MARVELD3: variants seen among roughly 807,000 people sequenced by gnomAD.
The protein encoded by MARVELD3 is MARVEL domain-containing protein 3.
A neutral mutation model predicts 33.5 loss-of-function variants in MARVELD3; 28 were observed. That is an observed-to-expected ratio of 0.84 (90% CI 0.62 to 1.15). The LOEUF is 1.15. MARVELD3 is among the 50% of genes most tolerant of loss of function. The probability of loss-of-function intolerance (pLI) is 0.00; values close to 1 mark genes in which losing one functional copy is unlikely to be tolerated. For missense variants in MARVELD3, 582 were observed against 547.6 expected (o/e 1.06, Z -0.63); for synonymous variants, 241 against 230.4 (o/e 1.05, Z -0.42).
intron 1 of MARVELD3, chr16:71,629,136 A>AT (rs2044502727): frequency 2.1e-6 from 1 of 466,564 alleles, no homozygotes; most frequent in Non-Finnish European, 3.6e-6. Flanking sequence ...CAGACAAACC[A>AT]TCAGCGGTAC....
Position 71,626,341 on chromosome 16 carries a change from C to A in MARVELD3, c.112C>A (p.Pro38Thr). 3.2e-6 allele frequency: 5 copies of A among 1,548,128 alleles called. No individual in the cohort carries two copies. The South Asian group carries it at 6.0e-5, about 18-fold the overall frequency. The change falls in exon 1 of 3, where the codon CCC (proline) becomes ACC (threonine). Residue 38 changes from proline to threonine, a missense_variant. Pro to Thr is a conservative substitution (Grantham distance 38). Coordinates refer to ENST00000268485, the MANE Select transcript of MARVELD3 (RefSeq NM_052858.6). The surrounding 1 kb of genome is among the most constrained non-coding windows in gnomAD (Gnocchi z 5.3). ...CACCCACGATCGACCGCGGGACCGA[C>A]CCGGGGACCCGCGCAGGAAGCGAAG... The part of the protein sequence containing the change: ...GRTHDRPRDR[P>T]GDPRRKRSSD...
chr16:71,634,285 A>T lies in MARVELD3; in HGVS notation c.688A>T (p.Thr230Ser). ...YSSTGGYTGI[T>S]SLGGIYYYQF... Reference sequence around the variant, plus strand: ...TTCCACAGGGGGCTACACGGGCATCACCAGCTTGGGGGGCATTTACTACTA... The same window carrying T: ...TTCCACAGGGGGCTACACGGGCATCTCCAGCTTGGGGGGCATTTACTACTA... The change falls in exon 3 of 3, where the codon ACC becomes TCC. Residue 230 changes from threonine (T) to serine (S), a missense_variant. Thr to Ser is a moderately conservative substitution (Grantham distance 58). Coordinates refer to ENST00000268485, the MANE Select transcript of MARVELD3 (RefSeq NM_052858.6). The T allele has an allele frequency of 6.2e-7, 1 of 1,614,114 alleles. No homozygotes were observed. The highest frequency in any genetic ancestry group is 1.1e-5 in the South Asian group (1 of 91,078).
chr16:71,634,163 C>T (rs774294400), intron 2 of MARVELD3, 30 bp from the exon 3 acceptor site: 1 of 1,571,528 alleles, frequency 6.4e-7, no homozygotes, highest in South Asian at 1.2e-5. Flanking sequence ...AACAGCATCA[C>T]TCAAAAATGG....
downstream of MARVELD3, chr16:71,640,526 C>T (rs367694179): frequency 7.0e-5 from 113 of 1,614,134 alleles, no homozygotes; most frequent in Middle Eastern, 4.9e-4. Flanking sequence ...ACTCACCGTT[C>T]GAGGGCACTG....
rs563352434 is a variant in MARVELD3, at chr16:71,634,277, C to T, written c.680C>T (p.Thr227Met). Residue 227 changes from threonine (T) to methionine (M), a missense_variant, in exon 3 of 3, where the codon ACG (threonine) becomes ATG (methionine). Thr to Met is a moderately conservative substitution (Grantham distance 81). Transcript: ENST00000268485. ...TCTTACAGTTCCACAGGGGGCTACA[C>T]GGGCATCACCAGCTTGGGGGGCATT... is the stretch of plus-strand genomic sequence containing the variant. ...SVSYSSTGGY[T>M]GITSLGGIYY... 1.9e-5 allele frequency: 31 copies of T among 1,614,158 alleles called. No individual in the cohort carries two copies. The highest frequency in any genetic ancestry group is 1.6e-4 in the Middle Eastern group (1 of 6,062).
rs1438326187 is a variant in MARVELD3 at position 71,634,337 on chromosome 16, T to C, written c.740T>C (p.Phe247Ser). The C allele has an allele frequency of 1.2e-6, 2 of 1,614,008 alleles. No individual in the cohort carries two copies. Among genetic ancestry groups the C allele is most frequent in the Non-Finnish European group, 1.7e-6 (2 of 1,180,028 alleles). ...CAGTTCGGAGGGGCTTACAGTGGCT[T>C]TGATGGTGCTGACGGGGAGAAGGCC... ...YYQFGGAYSG[F>S]DGADGEKAQQ... is the part of the protein sequence containing the mutation. Residue 247 changes from phenylalanine (F) to serine (S), a missense_variant, in exon 3 of 3, where the codon TTT becomes TCT. Physicochemically the swap from Phe to Ser is radical, Grantham distance 155. Transcript: ENST00000268485.
chr16:71,631,761 A>G (rs2044536438), intron 2 of MARVELD3, among the ~76,000 whole-genome samples: 1 of 152,162 alleles, frequency 6.6e-6, no homozygotes, highest in Non-Finnish European at 1.5e-5. Context: ...ACTTTCATAA[A>G]TAAAATGGTG....
intron 2 of MARVELD3, among the ~76,000 whole-genome samples, chr16:71,630,901 C>T (rs2044526603): frequency 6.6e-6 from 1 of 152,150 alleles, no homozygotes; most frequent in African/African-American, 2.4e-5. Flanking sequence ...GTATCCACCC[C>T]AAATGTGGCG....
rs2044577210 is a variant in MARVELD3 at position 71,635,731 on chromosome 16, C to T, written c.*928C>T. The stretch of plus-strand genomic sequence containing the variant: ...ACTCCACACGTTTTTCCACACTGAA[C>T]TCTCCAGTCCTTCCACTTCCTTAAT... On this transcript the variant is annotated 3_prime_UTR_variant, in exon 3 of 3. Transcript: ENST00000268485. The T allele has an allele frequency of 1.0e-6, 1 of 985,226 alleles. No homozygotes were observed. The highest frequency in any genetic ancestry group is 4.7e-5 in the South Asian group (1 of 21,290). 61.0% of individuals were successfully genotyped at this position (985,226 alleles called of 1,614,324 possible). A position where few individuals can be genotyped will look rare whatever the true frequency, so the allele number is the denominator to read the frequency against.
chr16:71,626,642 C>G lies in MARVELD3; in HGVS notation c.413C>G (p.Pro138Arg), dbSNP rs201373593. 1,783 of 1,534,836 alleles carry G rather than the reference C, an allele frequency of 1.2e-3. 23 individuals are homozygous for G. In the African/African-American group the frequency reaches 0.022, roughly 19 times the overall value. Reference sequence around the variant, plus strand: ...CCTGGGCCCGCGCCCTGGGAAGCCCCGGAGCCGCCGCAGCCGCAGAGGAAG... The same window carrying G: ...CCTGGGCCCGCGCCCTGGGAAGCCCGGGAGCCGCCGCAGCCGCAGAGGAAG... ...APPGPAPWEA[P>R]EPPQPQRKGD... Residue 138 changes from proline (P) to arginine (R), a missense_variant, in exon 1 of 3, where the codon CCG becomes CGG. Physicochemically the swap from Pro to Arg is moderately radical, Grantham distance 103 (BLOSUM62 -2). Transcript: ENST00000268485. This position sits in a 1 kb window ranked among gnomAD's most constrained non-coding sequence, Gnocchi z 5.3.
downstream of MARVELD3, chr16:71,640,979 C>A (rs2303225): frequency 2.5e-6 from 4 of 1,612,716 alleles, no homozygotes; most frequent in Non-Finnish European, 1.7e-6. Flanking sequence ...GAGAACAGCC[C>A]GGAAGTTACA....
chr16:71,641,167 T>C (rs1411279288), downstream of MARVELD3: 1 of 1,112,932 alleles, frequency 9.0e-7, no homozygotes, highest in African/African-American at 1.6e-5. Flanking sequence ...AGTTAAAGAA[T>C]TGAGGACGGG....
chr16:71,641,213 G>A, downstream of MARVELD3: 3 of 709,560 alleles, frequency 4.2e-6, no homozygotes, highest in African/African-American at 5.4e-5. Flanking sequence ...AGCACTTTGG[G>A]AGGCTGAGGT....
In MARVELD3 at chr16:71,636,160, G is replaced by A. The variant is rs767615594; in HGVS notation, c.*1357G>A. On this transcript the variant is annotated 3_prime_UTR_variant, in exon 3 of 3. Coordinates refer to ENST00000268485, the MANE Select transcript of MARVELD3 (RefSeq NM_052858.6). ...ATATATTCTCGGTCCAAGTGAGTAA[G>A]TTCTTTGCTTTATGTGAATCCAATA... The A allele has an allele frequency of 1.5e-5, 15 of 984,948 alleles. No individual in the cohort carries two copies. The highest frequency in any genetic ancestry group is 1.8e-5 in the Non-Finnish European group (15 of 829,644). The allele number at this position is 984,948 out of a possible 1,614,324, so 61.0% of individuals were successfully genotyped here.
chr16:71,639,034 C>A (rs576668700), downstream of MARVELD3: 1 of 147,216 alleles, frequency 6.8e-6, no homozygotes, highest in Non-Finnish European at 1.5e-5. Flanking sequence ...TGAAATCACA[C>A]GGTATGTAAC....
chr16:71,626,640 C>G lies in MARVELD3; in HGVS notation c.411C>G (p.Ala137=). Residue 137 remains alanine, a synonymous_variant, in exon 1 of 3, where the codon GCC becomes GCG. Transcript: ENST00000268485. This position sits in a 1 kb window ranked among gnomAD's most constrained non-coding sequence, Gnocchi z 5.3. ...CTCCTGGGCCCGCGCCCTGGGAAGC[C>G]CCGGAGCCGCCGCAGCCGCAGAGGA... ...AAPPGPAPWE[A]PEPPQPQRKG... The G allele has an allele frequency of 6.5e-7, 1 of 1,535,396 alleles. No individual in the cohort carries two copies. The highest frequency in any genetic ancestry group is 8.7e-7 in the Non-Finnish European group (1 of 1,143,916).
Position 71,626,634 on chromosome 16 carries a change from G to A in MARVELD3, c.405G>A (p.Trp135Ter), listed in dbSNP as rs756306971. Residue 135 changes from tryptophan to a stop codon, truncating the protein, a stop_gained, in exon 1 of 3, where the codon TGG (tryptophan) becomes TGA (stop). Transcript: ENST00000268485. LOFTEE classifies it high-confidence loss of function. The surrounding 1 kb of genome is among the most constrained non-coding windows in gnomAD (Gnocchi z 5.3). ...DAAAPPGPAP[W>*]EAPEPPQPQR... is the part of the protein sequence containing the mutation. ...CCGCGCCTCCTGGGCCCGCGCCCTG[G>A]GAAGCCCCGGAGCCGCCGCAGCCGC... 4 of 1,537,328 alleles carry A rather than the reference G, an allele frequency of 2.6e-6. No homozygotes were observed. The highest frequency in any genetic ancestry group is 8.7e-7 in the Non-Finnish European group (1 of 1,144,696).
At chr16:71,631,152 T>C (rs1441999054) in intron 2 of MARVELD3, among the ~76,000 whole-genome samples, 1 of 152,228 alleles carries the variant, frequency 6.6e-6, no homozygotes, top group Non-Finnish European at 1.5e-5. Context: ...TTGAGGAAAG[T>C]GCTCTAGGCA....
rs200867523 is a variant in MARVELD3 at position 71,634,406 on chromosome 16, T to A, written c.809T>A (p.Val270Asp). ...TTCTACCAGCTAAAGCTGCCCATGG[T>A]CACTGTGGCAATGGCCTGTAGTGGA... ...VQFYQLKLPM[V>D]TVAMACSGAL... Residue 270 changes from valine to aspartate, a missense_variant, in exon 3 of 3, where the codon GTC becomes GAC. By Grantham distance (152) the Val-to-Asp change is radical (BLOSUM62 -3). Coordinates refer to ENST00000268485, the MANE Select transcript of MARVELD3 (RefSeq NM_052858.6). The A allele has an allele frequency of 6.2e-7, 1 of 1,614,210 alleles. No individual in the cohort carries two copies. Among genetic ancestry groups the A allele is most frequent in the Non-Finnish European group, 8.5e-7 (1 of 1,180,042 alleles).
Sources: allele counts gnomAD v4.1 joint callset (sites outside exome capture counted in the v4.1 genomes callset), GRCh38; gene constraint gnomAD v4.1.1; non-coding constraint Gnocchi (gnomAD v3.1); transcripts MANE v1.5; gene names NCBI Gene and HGNC (gene_info 2026-07-23, HGNC 2026-07-21).